Variants in DISC1 observed in about 807,000 individuals in gnomAD.
DISC1 encodes disrupted in schizophrenia 1 protein.
Under a neutral mutation model 84.5 loss-of-function variants are expected in DISC1, and 57 were observed. The ratio of observed to expected loss-of-function variants is 0.67; its 90% confidence interval spans 0.55 to 0.84. DISC1 has a LOEUF of 0.84. Among genes scored for constraint, DISC1 ranks in the 40% least tolerant of loss-of-function variants. The pLI, the probability that DISC1 is intolerant of heterozygous loss-of-function variation, is 0.00. For synonymous variants in DISC1, 411 were observed against 415.2 expected, an observed-to-expected ratio of 0.99 and a Z score of 0.12; for missense variants, 1,000 against 1,057.8, an observed-to-expected ratio of 0.95 and a Z score of 0.76.
At position 231,767,196 on chromosome 1, in the gene DISC1, C is replaced by T. The variant is rs898590435; in HGVS notation, c.1325C>T (p.Pro442Leu). 6.2e-7 allele frequency: 1 copy of T among 1,614,216 alleles called. No individual in the cohort carries two copies. The change falls in exon 5 of 13, where the codon CCC becomes CTC. Residue 442 changes from proline to leucine, a missense_variant. By Grantham distance (98) the Pro-to-Leu change is moderately conservative (BLOSUM62 -3). Transcript: ENST00000439617. ...AGAATGGAGCCGAGGCTGTTGGAACCCACTGCTCAGGACAGCTTGCACGTG... is the reference window on the plus strand; with the variant it reads ...AGAATGGAGCCGAGGCTGTTGGAACTCACTGCTCAGGACAGCTTGCACGTG... ...PLRMEPRLLE[P>L]TAQDSLHVSI...
At chr1:231,805,616 T>G (rs892986111) in intron 8 of DISC1, among the ~76,000 whole-genome samples, 1 of 150,724 alleles carries the variant, frequency 6.6e-6, no homozygotes, top group Non-Finnish European at 1.5e-5. Flanking sequence ...CCAATCACCT[T>G]CCACTGGTGC....
At chr1:231,721,739 T>G (rs1342572755) in intron 3 of DISC1, among the ~76,000 whole-genome samples, 1 of 152,132 alleles carries the variant, frequency 6.6e-6, no homozygotes, top group East Asian at 1.9e-4. Context: ...CCAGAGTACT[T>G]TGGTTTCCAT....
chr1:231,735,938 G>A (rs2072432310), intron 3 of DISC1, among the ~76,000 whole-genome samples: 1 of 152,094 alleles, frequency 6.6e-6, no homozygotes, highest in Non-Finnish European at 1.5e-5. Flanking sequence ...TCAGCCTCCT[G>A]AGTAGCTGAG....
At position 231,694,544 on chromosome 1, in the gene DISC1, C is replaced by G. The variant is rs1269683316; in HGVS notation, c.786C>G (p.Leu262=). 1 of 1,614,204 alleles carries G rather than the reference C, an allele frequency of 6.2e-7. No homozygotes were observed. The highest frequency in any genetic ancestry group is 2.2e-5 in the East Asian group (1 of 44,890). The change falls in exon 2 of 13, where the codon CTC becomes CTG. Residue 262 remains leucine, a synonymous_variant. Coordinates refer to ENST00000439617, the MANE Select transcript of DISC1 (RefSeq NM_018662.3). Reference sequence around the variant, plus strand: ...GGCCTCACGAGGACCCGCGATGTCTCTCTCGGCCCTTCAGTCTCTTGGCTA... The same window carrying G: ...GGCCTCACGAGGACCCGCGATGTCTGTCTCGGCCCTTCAGTCTCTTGGCTA... ...LDGPHEDPRC[L]SRPFSLLATR...
chr1:231,850,904 T>G (rs2083846659), intron 9 of DISC1, among the ~76,000 whole-genome samples: 1 of 152,214 alleles, frequency 6.6e-6, no homozygotes, highest in Admixed American at 6.5e-5. Flanking sequence ...AATGGCTCAT[T>G]GTTTTAATTT....
rs148677963 is a variant in DISC1 at position 232,009,338 on chromosome 1, T to C, written c.2307+289T>C. The C allele has an allele frequency of 4.7e-5, 52 of 1,096,956 alleles. No homozygotes were observed. The highest frequency in any genetic ancestry group is 5.7e-5 in the Non-Finnish European group (50 of 878,008). The allele number at this position is 1,096,956 out of a possible 1,614,324, so 68.0% of individuals were successfully genotyped here. ...CAGTCTAATATAGAATTACCATATATAGCATACATTATATATGTCATATAT... is the reference window on the plus strand; with the variant it reads ...CAGTCTAATATAGAATTACCATATACAGCATACATTATATATGTCATATAT... On this transcript the variant is annotated intron_variant, in intron 11 of 12. Transcript: ENST00000439617. The surrounding 1 kb of genome is among the most constrained non-coding windows in gnomAD (Gnocchi z 4.6).
chr1:231,907,131 C>CTCTCTCTT (rs2088783092), intron 9 of DISC1, among the ~76,000 whole-genome samples: 1 of 93,100 alleles, frequency 1.1e-5, no homozygotes, highest in Admixed American at 1.2e-4. Flanking sequence ...TCCTTCCTTC[C>CTCTCTCTT]TCTTTCTTTC....
At chr1:231,720,251 ATAGTCTT>A (rs1431629175) in intron 3 of DISC1, among the ~76,000 whole-genome samples, 3 of 152,090 alleles carry the variant, frequency 2.0e-5, no homozygotes, top group Non-Finnish European at 2.9e-5. Context: ...GTACCCCACT[ATAGTCTT>A]TTGACTTTTC....
chr1:231,950,215 T>TGTGTGC (rs1346239416), intron 9 of DISC1, among the ~76,000 whole-genome samples: 7 of 143,586 alleles, frequency 4.9e-5, no homozygotes, highest in African/African-American at 1.8e-4. Flanking sequence ...TGTGTGTGTG[T>TGTGTGC]GTGTGTGTGT....
At chr1:231,701,865 A>G in intron 2 of DISC1, 90 bp from the exon 3 acceptor site, 1 of 1,138,924 alleles carries the variant, frequency 8.8e-7, no homozygotes, top group Non-Finnish European at 1.2e-6. Context: ...TTCAGTTTTG[A>G]AACAGTTTCT....
chr1:231,917,764 C>T (rs995073139), intron 9 of DISC1, among the ~76,000 whole-genome samples: 3 of 152,326 alleles, frequency 2.0e-5, no homozygotes, highest in African/African-American at 7.2e-5. Context: ...AGGACATAAT[C>T]TAACCTCTGG....
At chr1:231,736,845 T>C (rs1431726688) in intron 3 of DISC1, among the ~76,000 whole-genome samples, 1 of 152,242 alleles carries the variant, frequency 6.6e-6, no homozygotes, top group African/African-American at 2.4e-5. Flanking sequence ...ACACAGCCTC[T>C]AAGAATATGG....
At chr1:231,655,558 T>C (rs980336223) in intron 1 of DISC1, among the ~76,000 whole-genome samples, 25 of 152,204 alleles carry the variant, frequency 1.6e-4, no homozygotes, top group African/African-American at 6.0e-4. Flanking sequence ...GTGATAATCA[T>C]ATGCATGCAG....
intron 6 of DISC1, among the ~76,000 whole-genome samples, chr1:231,793,528 C>T (rs2078509427): frequency 6.6e-6 from 1 of 152,152 alleles, no homozygotes; most frequent in Admixed American, 6.5e-5. Context: ...CAGTCCTGTT[C>T]TTCCCTCCCC....
At chr1:231,925,286 C>T (rs1057110968) in intron 9 of DISC1, among the ~76,000 whole-genome samples, 4 of 152,188 alleles carry the variant, frequency 2.6e-5, no homozygotes, top group Admixed American at 1.3e-4. Context: ...ATCTGAAAAA[C>T]GGTGACGATG....
chr1:231,820,223 A>G (rs901126447), intron 9 of DISC1, among the ~76,000 whole-genome samples: 2 of 152,158 alleles, frequency 1.3e-5, no homozygotes, highest in Non-Finnish European at 2.9e-5. Context: ...TTAATAATCT[A>G]GGGTTGAGAG....
chr1:231,754,355 TG>T (rs896933452), intron 4 of DISC1, among the ~76,000 whole-genome samples: 1 of 152,182 alleles, frequency 6.6e-6, no homozygotes, highest in African/African-American at 2.4e-5. Flanking sequence ...CTCTGGCTTC[TG>T]GGGAGGCCTT....
chr1:231,697,975 T>A (rs1428230815), intron 2 of DISC1, among the ~76,000 whole-genome samples: 2 of 152,200 alleles, frequency 1.3e-5, no homozygotes, highest in Non-Finnish European at 2.9e-5. Flanking sequence ...GCTAATGTCA[T>A]CTAGTGCTCC....
At chr1:231,782,886 G>A (rs1308958212) in intron 6 of DISC1, among the ~76,000 whole-genome samples, 1 of 152,160 alleles carries the variant, frequency 6.6e-6, no homozygotes, top group Non-Finnish European at 1.5e-5. Flanking sequence ...AGGTTGCAGT[G>A]AGTGGAGATC....
Sources: allele counts gnomAD v4.1 joint callset (sites outside exome capture counted in the v4.1 genomes callset), GRCh38; gene constraint gnomAD v4.1.1; non-coding constraint Gnocchi (gnomAD v3.1); transcripts MANE v1.5; gene names NCBI Gene and HGNC (gene_info 2026-07-23, HGNC 2026-07-21).